Variants in CPA6 observed in about 807,000 individuals in gnomAD.
The protein encoded by CPA6 is carboxypeptidase B.
A neutral mutation model predicts 63.3 loss-of-function variants in CPA6; 58 were observed. The observed-to-expected ratio is 0.92, with a 90% CI of 0.74 to 1.14. The LOEUF is 1.14. CPA6 is among the 50% of genes most tolerant of loss of function. The pLI is 0.00. For synonymous variants in CPA6, 185 were observed against 179.0 expected, an observed-to-expected ratio of 1.03 and a Z score of -0.27; for missense variants, 565 against 526.6, an observed-to-expected ratio of 1.07 and a Z score of -0.71.
In CPA6 at chr8:67,483,881, G is replaced by C. The variant is rs1453111656; in HGVS notation, c.748-23C>G. On this transcript the variant is annotated intron_variant, in intron 7 of 10. Coordinates refer to ENST00000297770, the MANE Select transcript of CPA6 (RefSeq NM_020361.5). Reference sequence around the variant, plus strand: ...ATCCTAGACATAATTAAGAAAACAGGTGCTGAGAAAAATACTTAAAAGGTT... The same window carrying C: ...ATCCTAGACATAATTAAGAAAACAGCTGCTGAGAAAAATACTTAAAAGGTT... 4 of 1,580,444 alleles carry C rather than the reference G, an allele frequency of 2.5e-6. No individual in the cohort carries two copies. In the South Asian group the frequency reaches 4.4e-5, roughly 17 times the overall value.
intron 2 of CPA6, among the ~76,000 whole-genome samples, chr8:67,553,151 T>C (rs1204061073): frequency 5.9e-5 from 9 of 152,344 alleles, no homozygotes; most frequent in East Asian, 3.9e-4. Flanking sequence ...TATCAGGAGT[T>C]ATAAATTAAA....
chr8:67,517,774 A>T, intron 3 of CPA6, 149 bp downstream of exon 3: 1 of 771,620 alleles, frequency 1.3e-6, no homozygotes, highest in Non-Finnish European at 2.0e-6. Context: ...TAAGCTCTTC[A>T]AGGTGAATAT....
intron 1 of CPA6, among the ~76,000 whole-genome samples, chr8:67,630,833 T>A (rs887576991): frequency 1.3e-5 from 2 of 152,144 alleles, no homozygotes; most frequent in African/African-American, 2.4e-5. Flanking sequence ...CAGCTGGCGC[T>A]GCCAGCCCAG....
chr8:67,664,656 C>T (rs1816189490), intron 1 of CPA6, among the ~76,000 whole-genome samples: 3 of 151,982 alleles, frequency 2.0e-5, no homozygotes, highest in Non-Finnish European at 4.4e-5. Context: ...CTCATGTGGG[C>T]TCTAGAAGTG....
intron 1 of CPA6, among the ~76,000 whole-genome samples, chr8:67,653,770 C>T (rs1439077560): frequency 1.3e-5 from 2 of 152,084 alleles, no homozygotes; most frequent in Admixed American, 1.3e-4. Flanking sequence ...CCAGAACTTC[C>T]AACACTATGT....
intron 5 of CPA6, among the ~76,000 whole-genome samples, chr8:67,508,964 G>A (rs1355052969): frequency 6.6e-6 from 1 of 152,086 alleles, no homozygotes; most frequent in African/African-American, 2.4e-5. Context: ...TGGCTGGGGA[G>A]GCCTCAGGAA....
At chr8:67,707,927 A>AT (rs1189396007) in intron 1 of CPA6, among the ~76,000 whole-genome samples, 1 of 152,004 alleles carries the variant, frequency 6.6e-6, no homozygotes, top group Non-Finnish European at 1.5e-5. Context: ...AAAAAAAAAA[A>AT]AATCAAATTT....
At chr8:67,705,597 C>G (rs1817117292) in intron 1 of CPA6, among the ~76,000 whole-genome samples, 5 of 152,170 alleles carry the variant, frequency 3.3e-5, no homozygotes, top group Admixed American at 1.3e-4. Context: ...CAAAAATATA[C>G]TTTCCAAGAT....
At chr8:67,736,220 T>C (rs1351717884) in intron 1 of CPA6, among the ~76,000 whole-genome samples, 1 of 152,224 alleles carries the variant, frequency 6.6e-6, no homozygotes, top group Admixed American at 6.5e-5. Context: ...TACCACCTGG[T>C]GTAAAATATG....
At chr8:67,475,487 CAAGAGTG>C in intron 8 of CPA6, among the ~76,000 whole-genome samples, 1 of 152,316 alleles carries the variant, frequency 6.6e-6, no homozygotes, top group East Asian at 1.9e-4. Flanking sequence ...CCTGAGGGTA[CAAGAGTG>C]AAGAGGGAGC....
chr8:67,439,644 A>G (rs954583646), intron 8 of CPA6, among the ~76,000 whole-genome samples: 17 of 152,248 alleles, frequency 1.1e-4, no homozygotes, highest in Non-Finnish European at 1.9e-4. Context: ...TGGAAAACAG[A>G]GAACAGGAAT....
intron 3 of CPA6, among the ~76,000 whole-genome samples, chr8:67,517,364 C>G (rs967878692): frequency 6.6e-6 from 1 of 152,198 alleles, no homozygotes; most frequent in Non-Finnish European, 1.5e-5. Flanking sequence ...CCCTTCACCC[C>G]GCCCCACTAA....
chr8:67,690,132 C>T (rs1816786704), intron 1 of CPA6, among the ~76,000 whole-genome samples: 1 of 151,888 alleles, frequency 6.6e-6, no homozygotes, highest in South Asian at 2.1e-4. Context: ...ATTTGTTTTT[C>T]TGAAGATATA....
At chr8:67,667,246 G>A (rs1816251037) in intron 1 of CPA6, among the ~76,000 whole-genome samples, 1 of 152,088 alleles carries the variant, frequency 6.6e-6, no homozygotes, top group Non-Finnish European at 1.5e-5. Flanking sequence ...TTTCGGATTG[G>A]GGTGAAGGCT....
At chr8:67,458,988 G>T (rs1297787129) in intron 8 of CPA6, among the ~76,000 whole-genome samples, 2 of 152,144 alleles carry the variant, frequency 1.3e-5, no homozygotes, top group Non-Finnish European at 2.9e-5. Flanking sequence ...TTTGGCAATT[G>T]TATACAAAAC....
chr8:67,466,558 T>C (rs1477627795), intron 8 of CPA6, among the ~76,000 whole-genome samples: 5 of 152,198 alleles, frequency 3.3e-5, no homozygotes, highest in African/African-American at 1.2e-4. Context: ...TGTTAGATCA[T>C]TAATTTGGGC....
At chr8:67,523,071 C>T (rs1023058990) in intron 2 of CPA6, among the ~76,000 whole-genome samples, 2 of 152,194 alleles carry the variant, frequency 1.3e-5, no homozygotes, top group South Asian at 2.1e-4. Context: ...GCCAGGCAGC[C>T]TGGGTTTGAA....
intron 1 of CPA6, among the ~76,000 whole-genome samples, chr8:67,713,922 G>T (rs1000089931): frequency 1.3e-5 from 2 of 152,176 alleles, no homozygotes; most frequent in South Asian, 4.1e-4. Flanking sequence ...CAGGGACTAA[G>T]CTGAAATTCA....
At chr8:67,608,911 T>C (rs951605749) in intron 2 of CPA6, among the ~76,000 whole-genome samples, 1 of 152,188 alleles carries the variant, frequency 6.6e-6, no homozygotes, top group African/African-American at 2.4e-5. Flanking sequence ...GTAGGGAAGG[T>C]TGTGAAATAC....
Sources: allele counts gnomAD v4.1 joint callset (sites outside exome capture counted in the v4.1 genomes callset), GRCh38; gene constraint gnomAD v4.1.1; transcripts MANE v1.5; gene names NCBI Gene and HGNC (gene_info 2026-07-23, HGNC 2026-07-21).